Variants in SLC26A8 observed in about 807,000 individuals in gnomAD.
SLC26A8 encodes the protein solute carrier family 26 member 8, also known as testis anion transporter 1.
In SLC26A8, 70 loss-of-function variants were observed where a neutral mutation model predicts 105.0. That is an observed-to-expected ratio of 0.67 (90% CI 0.55 to 0.81). SLC26A8 has a LOEUF of 0.81. SLC26A8 is among the 40% of genes least tolerant of loss of function. SLC26A8 has a pLI of 0.00. For synonymous variants in SLC26A8, 415 were observed against 438.3 expected, an observed-to-expected ratio of 0.95 and a Z score of 0.66; for missense variants, 998 against 1,181.8, an observed-to-expected ratio of 0.84 and a Z score of 2.28.
chr6:35,949,435 TA>T (rs943844494), intron 19 of SLC26A8, among the ~76,000 whole-genome samples: 4 of 146,940 alleles, frequency 2.7e-5, no homozygotes, highest in Admixed American at 6.8e-5. Context: ...GTCTCAAAAA[TA>T]AAAAAAAAAT....
chr6:35,967,456 TAAGAA>T (rs1458904400), intron 11 of SLC26A8, among the ~76,000 whole-genome samples: 2 of 152,190 alleles, frequency 1.3e-5, no homozygotes, highest in East Asian at 3.8e-4. Context: ...TACTGTAACC[TAAGAA>T]GAGAAGGATT....
chr6:36,024,039 C>T (rs954397641), intron 1 of SLC26A8, among the ~76,000 whole-genome samples: 3 of 144,828 alleles, frequency 2.1e-5, no homozygotes, highest in African/African-American at 5.2e-5. Context: ...GCCCCTGACA[C>T]ATCAACGGCA....
At chr6:35,999,353 C>T (rs1189085723) in intron 4 of SLC26A8, among the ~76,000 whole-genome samples, 4 of 152,122 alleles carry the variant, frequency 2.6e-5, no homozygotes, top group African/African-American at 7.3e-5. Context: ...AGGCACATCA[C>T]TGAGTAAATG....
intron 7 of SLC26A8, among the ~76,000 whole-genome samples, chr6:35,984,319 A>ATTTTT (rs59314649): frequency 4.4e-4 from 51 of 116,522 alleles, no homozygotes; most frequent in East Asian, 2.0e-3. Flanking sequence ...TCTTCTTCTT[A>ATTTTT]TTTTTTTTTT....
chr6:36,003,931 G>A (rs1470522912), intron 3 of SLC26A8, among the ~76,000 whole-genome samples: 2 of 151,796 alleles, frequency 1.3e-5, no homozygotes, highest in Non-Finnish European at 2.9e-5. Flanking sequence ...AAAGTGCTGG[G>A]GTTACAGGCG....
chr6:36,024,141 AGGAACGGCC>A (rs1208284809), intron 1 of SLC26A8, among the ~76,000 whole-genome samples: 1 of 152,104 alleles, frequency 6.6e-6, no homozygotes, highest in East Asian at 1.9e-4. Context: ...TGAAAGGAAG[AGGAACGGCC>A]GGGCAGTCAG....
At chr6:35,959,943 C>A in intron 14 of SLC26A8, 137 bp from the exon 15 acceptor site, 1 of 693,172 alleles carries the variant, frequency 1.4e-6, no homozygotes. Flanking sequence ...GAGTCTCACT[C>A]TGTTGCCCAG....
rs769375291 is a variant in SLC26A8, at chr6:35,992,724, A to G, written c.628-50T>C. 6 of 1,501,262 alleles carry G rather than the reference A, an allele frequency of 4.0e-6. No individual in the cohort carries two copies. The Admixed American group carries it at 1.1e-4, about 28-fold the overall frequency. 93.0% of individuals were successfully genotyped at this position (1,501,262 alleles called of 1,614,324 possible). A position where few individuals can be genotyped will look rare whatever the true frequency, so the allele number is the denominator to read the frequency against. On this transcript the variant is annotated intron_variant, in intron 5 of 19. Coordinates refer to ENST00000490799, the MANE Select transcript of SLC26A8 (RefSeq NM_052961.4). ...GGGGTAGAATGTCTTCAATCCAGCA[A>G]TGGCACCAATGGCACTCTCCAGGAA...
chr6:35,954,935 G>C (rs918759058), intron 17 of SLC26A8: 3 of 498,542 alleles, frequency 6.0e-6, no homozygotes, highest in South Asian at 2.1e-5. Flanking sequence ...ACAGAGTGAG[G>C]CTCCATCTCA....
intron 5 of SLC26A8, among the ~76,000 whole-genome samples, chr6:35,996,254 T>C (rs1190229389): frequency 6.6e-6 from 1 of 152,088 alleles, no homozygotes; most frequent in Non-Finnish European, 1.5e-5. Flanking sequence ...CTTTACTTAG[T>C]GAAAGACAGT....
At chr6:35,978,338 A>C (rs762649519) in intron 8 of SLC26A8, among the ~76,000 whole-genome samples, 1 of 152,128 alleles carries the variant, frequency 6.6e-6, no homozygotes, top group Non-Finnish European at 1.5e-5. Context: ...AGGAAAAAAA[A>C]ATCTTGATGA....
Position 35,994,111 on chromosome 6 carries a change from C to CTTTTTTTTTT in SLC26A8, c.628-1438_628-1437insAAAAAAAAAA, listed in dbSNP as rs759838239. 8.4e-5 allele frequency among the ~76,000 whole-genome samples: 10 copies of CTTTTTTTTTT among 118,522 alleles called. 1 individual carries two copies. The highest frequency in any genetic ancestry group is 8.9e-5 in the Non-Finnish European group (5 of 56,304). The allele number at this position is 118,522 out of a possible 152,430, so 77.8% of individuals were successfully genotyped here. ...CGGCACTGTGTCTCCCTTTTTTTTT[C>CTTTTTTTTTT]TTTTCTTTTTTTTTTTTTTTTGAGA... is the stretch of plus-strand genomic sequence containing the variant. On this transcript the variant is annotated intron_variant, in intron 5 of 19. Coordinates refer to ENST00000490799, the MANE Select transcript of SLC26A8 (RefSeq NM_052961.4).
Position 35,977,439 on chromosome 6 carries a change from A to AT in SLC26A8, c.1026-89dup. The AT allele has an allele frequency of 5.8e-6, 6 of 1,034,156 alleles. No individual in the cohort carries two copies. The South Asian group carries it at 5.9e-5, about 10-fold the overall frequency. 64.1% of individuals were successfully genotyped at this position (1,034,156 alleles called of 1,614,324 possible). ...TCTATTCTAACACTGGGCTGTCCTGATTCTTTTTTTTTTTTTTTTAATAAC... is the reference window on the plus strand; with the variant it reads ...TCTATTCTAACACTGGGCTGTCCTGATTTCTTTTTTTTTTTTTTTTAATAAC... On this transcript the variant is annotated intron_variant, in intron 8 of 19. Coordinates refer to ENST00000490799, the MANE Select transcript of SLC26A8 (RefSeq NM_052961.4).
At chr6:35,961,889 G>A (rs1772318280) in intron 12 of SLC26A8, among the ~76,000 whole-genome samples, 1 of 152,184 alleles carries the variant, frequency 6.6e-6, no homozygotes, top group African/African-American at 2.4e-5. Context: ...CCCTTATTGG[G>A]ATTGGAGACT....
intron 7 of SLC26A8, among the ~76,000 whole-genome samples, chr6:35,984,240 C>T (rs1345789981): frequency 6.6e-6 from 1 of 152,022 alleles, no homozygotes; most frequent in Non-Finnish European, 1.5e-5. Flanking sequence ...TACCTCACCT[C>T]ACCTCATGAA....
chr6:36,006,671 T>C (rs767279494), intron 3 of SLC26A8, among the ~76,000 whole-genome samples: 3 of 152,214 alleles, frequency 2.0e-5, no homozygotes, highest in Non-Finnish European at 4.4e-5. Context: ...CATAGGAATA[T>C]GCTAGAAATT....
chr6:36,001,705 T>G (rs904456569), intron 3 of SLC26A8, among the ~76,000 whole-genome samples: 5 of 152,222 alleles, frequency 3.3e-5, no homozygotes, highest in Admixed American at 6.5e-5. Flanking sequence ...TGTCACTGTC[T>G]TGAAATTCTG....
chr6:35,993,828 T>C (rs1200619185), intron 5 of SLC26A8, among the ~76,000 whole-genome samples: 1 of 152,036 alleles, frequency 6.6e-6, no homozygotes, highest in African/African-American at 2.4e-5. Context: ...GAATTTGAGA[T>C]GAGCCTGGGC....
At chr6:35,978,079 C>G (rs1174433430) in intron 8 of SLC26A8, among the ~76,000 whole-genome samples, 2 of 104,554 alleles carry the variant, frequency 1.9e-5, no homozygotes, top group African/African-American at 9.3e-5. Context: ...GAGTGAGACT[C>G]AGTCTCAAAA....
Sources: allele counts gnomAD v4.1 joint callset (sites outside exome capture counted in the v4.1 genomes callset), GRCh38; gene constraint gnomAD v4.1.1; transcripts MANE v1.5; gene names NCBI Gene and HGNC (gene_info 2026-07-23, HGNC 2026-07-21).